The following DLG2 variants were observed in gnomAD, a reference collection of about 807,000 sequenced individuals.
The protein encoded by DLG2 is discs large MAGUK scaffold protein 2, also known as disks large homolog 2.
Under a neutral mutation model 132.5 loss-of-function variants are expected in DLG2, and 45 were observed. The observed-to-expected ratio is 0.34, with a 90% CI of 0.27 to 0.44. DLG2 has a LOEUF of 0.44. Ranked by LOEUF, DLG2 falls within the 20% of genes least tolerant of loss-of-function variation. The pLI is 1.00. For synonymous variants in DLG2, 424 were observed against 419.6 expected (o/e 1.01, Z -0.13); for missense variants, 1,045 against 1,196.9 (o/e 0.87, Z 1.87).
At chr11:85,027,473 G>A (rs1028799856) in intron 6 of DLG2, among the ~76,000 whole-genome samples, 33 of 152,142 alleles carry the variant, frequency 2.2e-4, no homozygotes, top group African/African-American at 6.3e-4. Context: ...CACAGGGCTC[G>A]TTCCACCCAC....
chr11:83,784,432 T>C (rs908247856), intron 18 of DLG2, among the ~76,000 whole-genome samples: 1 of 152,226 alleles, frequency 6.6e-6, no homozygotes, highest in Admixed American at 6.5e-5. Context: ...CATTTCCAAC[T>C]AATTTAAAGC....
intron 3 of DLG2, among the ~76,000 whole-genome samples, chr11:85,451,165 CT>C (rs1190483484): frequency 6.6e-6 from 1 of 152,180 alleles, no homozygotes; most frequent in East Asian, 1.9e-4. Context: ...ATCCATCAAC[CT>C]ACTTATTATT....
At chr11:84,328,982 A>G (rs374918711) in intron 7 of DLG2, among the ~76,000 whole-genome samples, 2 of 152,234 alleles carry the variant, frequency 1.3e-5, no homozygotes, top group South Asian at 2.1e-4. Context: ...TGAACTTTAG[A>G]CCAGGTAGAA....
chr11:84,603,400 T>C lies in DLG2; in HGVS notation c.358-68669A>G, dbSNP rs2099580121. On this transcript the variant is annotated intron_variant, in intron 6 of 27. Coordinates refer to ENST00000376104, the MANE Select transcript of DLG2 (RefSeq NM_001142699.3). The stretch of plus-strand genomic sequence containing the variant: ...ACTTTTCCTCTACTTGAATATGACC[T>C]AGAGCAAGCCATTTACCTCTAGATC... 2.6e-5 allele frequency among the ~76,000 whole-genome samples: 4 copies of C among 151,968 alleles called. No individual in the cohort carries two copies. In the South Asian group the frequency reaches 8.3e-4, roughly 31 times the overall value.
At position 85,114,005 on chromosome 11, in the gene DLG2, A is replaced by G. The variant is rs115014789; in HGVS notation, c.283-2270T>C. ...CCACTAGACTAGATGGTCTCAAAAG[A>G]GCCTTCCACTTAAGTGTGGTTACTG... On this transcript the variant is annotated intron_variant, in intron 5 of 27. Transcript: ENST00000376104. Among the ~76,000 whole-genome samples, 619 of 152,052 alleles carry G rather than the reference A, an allele frequency of 4.1e-3. 7 individuals are homozygous for G. Among genetic ancestry groups the G allele is most frequent in the African/African-American group, 0.015 (605 of 41,516 alleles).
chr11:85,426,465 T>A (rs1035864276), intron 3 of DLG2, among the ~76,000 whole-genome samples: 1 of 152,188 alleles, frequency 6.6e-6, no homozygotes, highest in Non-Finnish European at 1.5e-5. Flanking sequence ...CATCTGCTGT[T>A]CACCAGTATC....
Position 85,187,117 on chromosome 11 carries a change from A to G in DLG2, c.187-32466T>C, listed in dbSNP as rs574013034. Among the ~76,000 whole-genome samples the G allele has an allele frequency of 2.0e-5, 3 of 152,244 alleles. No individual in the cohort carries two copies. In the East Asian group the frequency reaches 5.8e-4, roughly 29 times the overall value. On this transcript the variant is annotated intron_variant, in intron 4 of 27. Coordinates refer to ENST00000376104, the MANE Select transcript of DLG2 (RefSeq NM_001142699.3). ...TAATATCTTTGCAGTCAAAAAACCA[A>G]CCTCGAAATCACATCTCAGTGGCAA...
At chr11:85,253,530 G>A (rs546778374) in intron 4 of DLG2, among the ~76,000 whole-genome samples, 12 of 152,192 alleles carry the variant, frequency 7.9e-5, no homozygotes, top group African/African-American at 1.4e-4. Context: ...CGACAAGAGC[G>A]AACTACATAC....
chr11:84,448,613 C>A (rs1450182328), intron 7 of DLG2, among the ~76,000 whole-genome samples: 2 of 151,986 alleles, frequency 1.3e-5, no homozygotes, highest in East Asian at 3.9e-4. Flanking sequence ...GACAAATTTT[C>A]TGAGATGTGG....
intron 6 of DLG2, among the ~76,000 whole-genome samples, chr11:84,581,838 C>T (rs868720370): frequency 3.6e-5 from 5 of 140,348 alleles, no homozygotes; most frequent in East Asian, 2.2e-4. Flanking sequence ...ACCCGGGAGG[C>T]GGAGGTTGCA....
intron 7 of DLG2, among the ~76,000 whole-genome samples, chr11:84,301,673 A>G (rs1296606346): frequency 5.3e-5 from 8 of 151,054 alleles, no homozygotes; most frequent in Non-Finnish European, 4.4e-5. Flanking sequence ...AAAAAAAAAA[A>G]AAAGTCAAGA....
At chr11:83,950,518 C>T (rs1247063550) in intron 14 of DLG2, among the ~76,000 whole-genome samples, 5 of 152,106 alleles carry the variant, frequency 3.3e-5, no homozygotes, top group African/African-American at 7.2e-5. Context: ...AGCTTGAATG[C>T]GAGAGACGAG....
chr11:85,618,009 G>A (rs938290274), intron 2 of DLG2, among the ~76,000 whole-genome samples: 3 of 152,098 alleles, frequency 2.0e-5, no homozygotes, highest in African/African-American at 7.2e-5. Context: ...AAATAAAGGA[G>A]GTCAGGAGAA....
chr11:84,177,601 T>C (rs2096006075), intron 8 of DLG2, among the ~76,000 whole-genome samples: 1 of 152,142 alleles, frequency 6.6e-6, no homozygotes, highest in East Asian at 1.9e-4. Flanking sequence ...TTGTTAGGGA[T>C]TATAAATGAA....
chr11:83,643,058 C>T (rs148714140), intron 18 of DLG2, among the ~76,000 whole-genome samples: 1,984 of 152,202 alleles, frequency 0.013, 54 homozygotes, highest in African/African-American at 0.045. Flanking sequence ...GCTTACATTA[C>T]AAGACTGCTG....
chr11:84,534,307 T>C (rs182857597), intron 7 of DLG2, among the ~76,000 whole-genome samples: 17 of 152,324 alleles, frequency 1.1e-4, no homozygotes. Context: ...TTATTTTCCC[T>C]TTCAGTGTTT....
At chr11:84,804,443 C>T (rs960760254) in intron 6 of DLG2, among the ~76,000 whole-genome samples, 1 of 152,088 alleles carries the variant, frequency 6.6e-6, no homozygotes, top group Non-Finnish European at 1.5e-5. Context: ...CTACTATGTA[C>T]AAATAAAACC....
chr11:83,783,180 A>G (rs1180851273), intron 18 of DLG2, among the ~76,000 whole-genome samples: 1 of 152,186 alleles, frequency 6.6e-6, no homozygotes, highest in Non-Finnish European at 1.5e-5. Context: ...AACATCATAT[A>G]TGACTCTTCA....
intron 18 of DLG2, chr11:83,646,666 T>C (rs1259743882): frequency 6.6e-6 from 1 of 152,204 alleles, no homozygotes; most frequent in African/African-American, 2.4e-5. Context: ...TGAAGGCAAA[T>C]GACAAATGTT....
Sources: allele counts gnomAD v4.1 joint callset (sites outside exome capture counted in the v4.1 genomes callset), GRCh38; gene constraint gnomAD v4.1.1; transcripts MANE v1.5; gene names NCBI Gene and HGNC (gene_info 2026-07-23, HGNC 2026-07-21).